The following RBFOX1 variants were observed in gnomAD, a reference collection of about 807,000 sequenced individuals.
RBFOX1 encodes the protein RNA binding protein fox-1 homolog 1.
RBFOX1 carries 8 observed loss-of-function variants against 57.7 expected under a neutral mutation model. The ratio of observed to expected loss-of-function variants is 0.14; its 90% confidence interval spans 0.08 to 0.25. The LOEUF (loss-of-function observed/expected upper bound fraction) is 0.25. RBFOX1 is among the 10% of genes least tolerant of loss of function. The probability of loss-of-function intolerance (pLI) is 1.00; values close to 1 mark genes in which losing one functional copy is unlikely to be tolerated. For missense variants in RBFOX1, 611 were observed against 548.5 expected (o/e 1.11, Z -1.14); for synonymous variants, 326 against 222.4 (o/e 1.47, Z -4.15).
intron 2 of RBFOX1, among the ~76,000 whole-genome samples, chr16:6,520,590 A>G (rs2096479702): frequency 6.6e-6 from 1 of 152,220 alleles, no homozygotes; most frequent in Non-Finnish European, 1.5e-5. Flanking sequence ...AAAATAATTC[A>G]TTAGAAAGAT....
Position 6,859,914 on chromosome 16 carries a change from G to T in RBFOX1, c.-15-192143G>T, listed in dbSNP as rs1385860138. Among the ~76,000 whole-genome samples the T allele has an allele frequency of 2.0e-5, 3 of 152,114 alleles. No homozygotes were observed. The South Asian group carries it at 6.2e-4, about 32-fold the overall frequency. On this transcript the variant is annotated intron_variant, in intron 3 of 15. Transcript: ENST00000550418. ...ATTGGAGAGAAGTGTTATTGATGAG[G>T]GCTGATTAAGCAAATTAATGAATTG...
chr16:5,640,121 G>T (rs528026074), intron 3 of RBFOX1, among the ~76,000 whole-genome samples: 1 of 152,250 alleles, frequency 6.6e-6, no homozygotes, highest in Non-Finnish European at 1.5e-5. Flanking sequence ...CAGCTGAGGG[G>T]TAGAAGTGGC....
intron 3 of RBFOX1, among the ~76,000 whole-genome samples, chr16:6,848,989 G>C (rs1727763698): frequency 6.6e-6 from 1 of 152,196 alleles, no homozygotes; most frequent in South Asian, 2.1e-4. Flanking sequence ...TGCCTGTCCT[G>C]ATTCCAAAGC....
chr16:6,991,639 C>G (rs748262530), intron 3 of RBFOX1, among the ~76,000 whole-genome samples: 102 of 152,220 alleles, frequency 6.7e-4, no homozygotes, highest in Non-Finnish European at 1.1e-3. Flanking sequence ...CAGGCTCAAG[C>G]CATCCTCCTA....
intron 4 of RBFOX1, among the ~76,000 whole-genome samples, chr16:7,057,280 A>G (rs760055388): frequency 2.0e-5 from 3 of 152,194 alleles, no homozygotes; most frequent in East Asian, 1.9e-4. Context: ...AATGCAAACA[A>G]TAGAGACAGA....
At chr16:5,423,498 C>A (rs763577314) in intron 1 of RBFOX1, among the ~76,000 whole-genome samples, 1 of 152,154 alleles carries the variant, frequency 6.6e-6, no homozygotes, top group South Asian at 2.1e-4. Context: ...TTTGAGCTTC[C>A]GCCACCACCT....
chr16:5,473,253 C>T (rs2069199444), intron 2 of RBFOX1, among the ~76,000 whole-genome samples: 1 of 152,116 alleles, frequency 6.6e-6, no homozygotes. Context: ...ACTGTGATAG[C>T]TCCTGGGCAT....
At chr16:6,148,440 C>T (rs1480017463) in intron 1 of RBFOX1, among the ~76,000 whole-genome samples, 2 of 152,172 alleles carry the variant, frequency 1.3e-5, no homozygotes, top group East Asian at 1.9e-4. Flanking sequence ...GAATTTTGTT[C>T]TGCTCCCACC....
intron 1 of RBFOX1, among the ~76,000 whole-genome samples, chr16:6,215,854 T>G (rs2097332546): frequency 6.6e-6 from 1 of 152,130 alleles, no homozygotes; most frequent in Non-Finnish European, 1.5e-5. Context: ...TAACCCAGTA[T>G]GAATCAACTC....
chr16:6,173,810 A>G (rs2096981376), intron 1 of RBFOX1, among the ~76,000 whole-genome samples: 1 of 151,892 alleles, frequency 6.6e-6, no homozygotes, highest in African/African-American at 2.4e-5. Context: ...GGTTTTTGCC[A>G]TGTTGGCCAG....
chr16:7,626,767 T>A (rs970653719), intron 10 of RBFOX1, among the ~76,000 whole-genome samples: 11 of 152,150 alleles, frequency 7.2e-5, no homozygotes, highest in African/African-American at 2.2e-4. Flanking sequence ...GAAGAAAGAT[T>A]GGTTGAAAAA....
intron 4 of RBFOX1, among the ~76,000 whole-genome samples, chr16:7,451,607 A>G (rs1430309259): frequency 6.6e-6 from 1 of 152,156 alleles, no homozygotes; most frequent in East Asian, 1.9e-4. Context: ...AGTTGCAAAT[A>G]TTCTTAGATT....
chr16:7,534,969 A>T (rs2081131084), intron 5 of RBFOX1, among the ~76,000 whole-genome samples: 1 of 152,178 alleles, frequency 6.6e-6, no homozygotes. Flanking sequence ...TGGTAATGAC[A>T]CTGTAGACAC....
At chr16:6,870,591 C>A (rs7201025) in intron 3 of RBFOX1, among the ~76,000 whole-genome samples, 9 of 152,196 alleles carry the variant, frequency 5.9e-5, no homozygotes, top group African/African-American at 1.4e-4. Context: ...TTGACTGTTA[C>A]ATTGTAGCTT....
At chr16:7,683,927 C>T (rs967411365) in intron 14 of RBFOX1, among the ~76,000 whole-genome samples, 4 of 151,936 alleles carry the variant, frequency 2.6e-5, no homozygotes, top group Non-Finnish European at 2.9e-5. Flanking sequence ...GTGGATGTGG[C>T]AATAAAAATT....
intron 4 of RBFOX1, among the ~76,000 whole-genome samples, chr16:7,516,180 G>A (rs950720117): frequency 2.0e-5 from 3 of 152,082 alleles, no homozygotes; most frequent in Admixed American, 6.6e-5. Context: ...GGCTTATGAT[G>A]TTTTTACAGC....
intron 3 of RBFOX1, among the ~76,000 whole-genome samples, chr16:6,671,529 A>T (rs887718871): frequency 6.6e-6 from 1 of 152,152 alleles, no homozygotes; most frequent in Admixed American, 6.6e-5. Context: ...GGAATTTAGG[A>T]CTGAGTTTGG....
intron 3 of RBFOX1, among the ~76,000 whole-genome samples, chr16:5,848,121 T>C (rs2056802951): frequency 6.6e-6 from 1 of 152,102 alleles, no homozygotes; most frequent in African/African-American, 2.4e-5. Context: ...GGAACATCTG[T>C]GCTAAGTGAA....
intron 4 of RBFOX1, among the ~76,000 whole-genome samples, chr16:7,504,176 G>A (rs1012621564): frequency 1.3e-5 from 2 of 151,984 alleles, no homozygotes; most frequent in African/African-American, 2.4e-5. Context: ...TTTTCTTAGC[G>A]TCTCAGAGCC....
Sources: gnomAD v4.1 joint callset for allele counts (sites outside exome capture counted in the v4.1 genomes callset) on GRCh38, gnomAD v4.1.1 for gene constraint, MANE v1.5 for transcripts, NCBI Gene and HGNC (gene_info 2026-07-23, HGNC 2026-07-21) for gene names.